PRODH2: variants seen among roughly 807,000 people sequenced by gnomAD.
The protein encoded by PRODH2 is proline dehydrogenase 2.
A neutral mutation model predicts 51.9 loss-of-function variants in PRODH2; 49 were observed. The ratio of observed to expected loss-of-function variants is 0.94; its 90% CI spans 0.75 to 1.20. The LOEUF is 1.20. Ranked by LOEUF, PRODH2 falls within the 50% of genes most tolerant of loss-of-function variation. The pLI is 0.00. For missense variants in PRODH2, 597 were observed against 610.9 expected (o/e 0.98, Z 0.24); for synonymous variants, 249 against 260.7 (o/e 0.96, Z 0.43).
At chr19:35,801,599 G>T (rs1472072215) in intron 9 of PRODH2, among the ~76,000 whole-genome samples, 1 of 152,126 alleles carries the variant, frequency 6.6e-6, no homozygotes, top group Non-Finnish European at 1.5e-5. Context: ...GTTGCGGGGG[G>T]ACATTGAGTC....
Position 35,800,040 on chromosome 19 carries a change from A to G in PRODH2, c.1381T>C (p.Ter461GlnextTer3), listed in dbSNP as rs761978206. The G allele has an allele frequency of 6.2e-7, 1 of 1,610,210 alleles. No individual in the cohort carries two copies. Among genetic ancestry groups the G allele is most frequent in the Admixed American group, 1.7e-5 (1 of 59,676 alleles). The change falls in exon 10 of 10, where the codon TAG (stop) becomes CAG (glutamine). Residue 461 changes from the stop codon to glutamine (Q), a stop_lost. Transcript: ENST00000653904. ...LLPGCRRIPH[*>Q] ...ACCACATGACCCCCTCAGGGGTGCT[A>G]GTGGGGTATCCTTCGGCATCCTGGC... is the stretch of plus-strand genomic sequence containing the variant.
Position 35,800,234 on chromosome 19 carries a change from G to A in PRODH2, c.1199-12C>T, listed in dbSNP as rs567311804. 8.7e-5 allele frequency: 133 copies of A among 1,535,596 alleles called. 2 individuals are homozygous for A. The South Asian group carries it at 1.5e-3, about 18-fold the overall frequency. On this transcript the variant is annotated splice_polypyrimidine_tract_variant and intron_variant, in intron 9 of 9. Coordinates refer to ENST00000653904, the MANE Select transcript of PRODH2 (RefSeq NM_021232.2). ...ATAGCCGGCCTGCCCTGCAGGGAGA[G>A]TGGGTTTTGTTTTTTCGTTTTTGGT... is the stretch of plus-strand genomic sequence containing the variant.
chr19:35,802,113 T>C, intron 9 of PRODH2, 78 bp downstream of exon 9: 2 of 1,367,706 alleles, frequency 1.5e-6, no homozygotes, highest in Non-Finnish European at 2.1e-6. Flanking sequence ...TGGGCCTTGG[T>C]TGGGAATAGG....
At position 35,812,188 on chromosome 19, in the gene PRODH2, A is replaced by T. The variant is rs1199369482; in HGVS notation, c.456T>A (p.Ala152=). ...SRGLLEPPSL[A]EASLMQLKVT... is the part of the protein sequence containing the mutation. The stretch of plus-strand genomic sequence containing the variant: ...CCTTCAGCTGCATGAGGCTGGCCTC[A>T]GCCAGGCTGGGGGGCTCCAGGAGGC... Residue 152 remains alanine, a synonymous_variant, in exon 3 of 10, where the codon GCT becomes GCA. Transcript: ENST00000653904. 5.6e-6 allele frequency: 9 copies of T among 1,614,156 alleles called. No individual in the cohort carries two copies. The South Asian group carries it at 7.7e-5, about 14-fold the overall frequency.
chr19:35,808,640 TCCC>T (rs201125996), intron 4 of PRODH2, among the ~76,000 whole-genome samples: 1 of 151,762 alleles, frequency 6.6e-6, no homozygotes, highest in South Asian at 2.1e-4. Flanking sequence ...ACTGTTATTA[TCCC>T]CCCATTTTCT....
chr19:35,802,992 TC>T lies in PRODH2; in HGVS notation c.1087del (p.Glu363AsnfsTer35). The T allele has an allele frequency of 6.4e-7, 1 of 1,568,522 alleles. No homozygotes were observed. The highest frequency in any genetic ancestry group is 1.2e-5 in the South Asian group (1 of 85,640). On this transcript the variant is annotated frameshift_variant, in exon 8 of 10. Transcript: ENST00000653904. LOFTEE classifies it high-confidence loss of function. ...CHLMVASHNE[E>X]SVRQATKRMW... ...CCGCTTGGTTGCCTGGCGAACAGAT[TC>T]CTCATTGTGGGAAGCCACCATGAGG...
intron 4 of PRODH2, among the ~76,000 whole-genome samples, chr19:35,807,373 G>A (rs1289362378): frequency 6.6e-6 from 1 of 152,080 alleles, no homozygotes; most frequent in Non-Finnish European, 1.5e-5. Flanking sequence ...CATGATCTCA[G>A]CTCACTGCAA....
Position 35,806,528 on chromosome 19 carries a change from C to T in PRODH2, c.903G>A (p.Lys301=). The T allele has an allele frequency of 6.2e-7, 1 of 1,614,200 alleles. No homozygotes were observed. The highest frequency in any genetic ancestry group is 2.2e-5 in the East Asian group (1 of 44,884). Residue 301 remains lysine, a synonymous_variant, in exon 7 of 10, where the codon AAG becomes AAA. Transcript: ENST00000653904. ...TGTCCAGATATGCACCTCGTACCAG[C>T]TTCACTCCGAAGGCCAGGCCGGCCC... ...AHRAGLAFGV[K]LVRGAYLDKE...
At chr19:35,805,256 A>G (rs1568441290) in intron 7 of PRODH2, among the ~76,000 whole-genome samples, 1 of 152,112 alleles carries the variant, frequency 6.6e-6, no homozygotes. Context: ...AATATTTAAA[A>G]TAATAGTGCA....
rs1269665779 is a variant in PRODH2, at chr19:35,812,183, G to A, written c.461C>T (p.Ala154Val). Residue 154 changes from alanine to valine, a missense_variant, in exon 3 of 10, where the codon GCC (alanine) becomes GTC (valine). Ala to Val is a moderately conservative substitution (Grantham distance 64, BLOSUM62 0). Transcript: ENST00000653904. ...CGTCACCTTCAGCTGCATGAGGCTG[G>A]CCTCAGCCAGGCTGGGGGGCTCCAG... is the stretch of plus-strand genomic sequence containing the variant. ...GLLEPPSLAE[A>V]SLMQLKVTAL... is the part of the protein sequence containing the mutation. The A allele has an allele frequency of 6.2e-7, 1 of 1,614,142 alleles. No individual in the cohort carries two copies. Among genetic ancestry groups the A allele is most frequent in the Admixed American group, 1.7e-5 (1 of 60,030 alleles).
chr19:35,803,697 C>G (rs1324492034), intron 7 of PRODH2, among the ~76,000 whole-genome samples: 1 of 152,148 alleles, frequency 6.6e-6, no homozygotes, highest in Non-Finnish European at 1.5e-5. Flanking sequence ...TGACATTTCC[C>G]CAAGGTTATC....
chr19:35,809,958 CAAAAA>C (rs1175392997), intron 4 of PRODH2, among the ~76,000 whole-genome samples: 412 of 12,772 alleles, frequency 0.032, 2 homozygotes, highest in African/African-American at 0.14. Context: ...GATGCCGCTT[CAAAAA>C]AAAAAAAAAA....
In PRODH2 at chr19:35,802,704, C is replaced by T. The variant is rs541059538; in HGVS notation, c.1112+264G>A. On this transcript the variant is annotated intron_variant, in intron 8 of 9. Coordinates refer to ENST00000653904, the MANE Select transcript of PRODH2 (RefSeq NM_021232.2). ...CGGAATAGCTGGGACTACAGGTGTGCGCCACCACACCCAGCTGTTTTTTTT... is the reference window on the plus strand; with the variant it reads ...CGGAATAGCTGGGACTACAGGTGTGTGCCACCACACCCAGCTGTTTTTTTT... 5.9e-4 allele frequency among the ~76,000 whole-genome samples: 89 copies of T among 151,752 alleles called. No homozygotes were observed. In the Middle Eastern group the frequency reaches 0.01, roughly 18 times the overall value.
At position 35,812,574 on chromosome 19, in the gene PRODH2, A is replaced by G. The variant is rs768279912; in HGVS notation, c.175-18T>C. 3.7e-5 allele frequency: 60 copies of G among 1,611,476 alleles called. No homozygotes were observed. The highest frequency in any genetic ancestry group is 5.0e-5 in the Non-Finnish European group (59 of 1,178,460). On this transcript the variant is annotated intron_variant, in intron 1 of 9. Coordinates refer to ENST00000653904, the MANE Select transcript of PRODH2 (RefSeq NM_021232.2). Reference sequence around the variant, plus strand: ...GCCTGGAGCTGGGTGACAGGGAGCGAGGGCTCAGCGCCAGGCTATGAGGAG... The same window carrying G: ...GCCTGGAGCTGGGTGACAGGGAGCGGGGGCTCAGCGCCAGGCTATGAGGAG...
At chr19:35,811,216 C>T (rs1599824433) in intron 4 of PRODH2, among the ~76,000 whole-genome samples, 1 of 151,872 alleles carries the variant, frequency 6.6e-6, no homozygotes, top group Non-Finnish European at 1.5e-5. Flanking sequence ...GAATGGTATA[C>T]ACCTGGCAAA....
At chr19:35,808,240 G>A (rs1725515378) in intron 4 of PRODH2, among the ~76,000 whole-genome samples, 1 of 152,208 alleles carries the variant, frequency 6.6e-6, no homozygotes, top group South Asian at 2.1e-4. Context: ...ACAGTCTTAT[G>A]CAGATTCATC....
chr19:35,801,977 A>T, intron 9 of PRODH2: 1 of 571,752 alleles, frequency 1.7e-6, no homozygotes, highest in South Asian at 2.3e-5. Flanking sequence ...AAGATAACAA[A>T]ACACACAAGA....
chr19:35,803,033 A>T lies in PRODH2; in HGVS notation c.1047T>A (p.His349Gln). ...CCACCATGAGGTGGCACATGGGGCC[A>T]TGGCGGGCCACGTGCGTCAGCATCA... ...LELMLTHVAR[H>Q]GPMCHLMVAS... The change falls in exon 8 of 10, where the codon CAT becomes CAA. Residue 349 changes from histidine to glutamine, a missense_variant. His to Gln is a conservative substitution (Grantham distance 24, BLOSUM62 0). Transcript: ENST00000653904. 6.4e-7 allele frequency: 1 copy of T among 1,573,182 alleles called. No homozygotes were observed.
chr19:35,806,963 C>T, intron 5 of PRODH2, 78 bp downstream of exon 5: 2 of 1,541,490 alleles, frequency 1.3e-6, no homozygotes, highest in Admixed American at 2.0e-5. Flanking sequence ...CTGGTTCCAG[C>T]AGGAGGGGTT....
Sources: gnomAD v4.1 joint callset for allele counts (sites outside exome capture counted in the v4.1 genomes callset) on GRCh38, gnomAD v4.1.1 for gene constraint, MANE v1.5 for transcripts, NCBI Gene and HGNC (gene_info 2026-07-23, HGNC 2026-07-21) for gene names.